Variants in PAGE2B observed in about 807,000 individuals in gnomAD.
The protein encoded by PAGE2B is putative G antigen family E member 3.
PAGE2B carries 5 observed loss-of-function variants against 7.6 expected under a neutral mutation model. The observed-to-expected ratio is 0.66, with a 90% CI of 0.34 to 1.38. The LOEUF is 1.38. PAGE2B is among the 40% of genes most tolerant of loss of function. PAGE2B has a pLI of 0.04. For missense variants in PAGE2B, 70 were observed against 78.4 expected (o/e 0.89, Z 0.41); for synonymous variants, 29 against 26.7 (o/e 1.09, Z -0.27).
chrX:55,055,439 A>G, the PAGE2B span: 1 of 111,027 alleles, frequency 9.0e-6, no homozygotes, highest in Non-Finnish European at 1.9e-5. Flanking sequence ...AATATGCAGC[A>G]TTGATTATGG....
upstream of PAGE2B, among the ~76,000 whole-genome samples, chrX:55,070,779 A>G (rs1936441345): frequency 8.9e-6 from 1 of 111,983 alleles, no homozygotes; most frequent in Non-Finnish European, 1.9e-5. Context: ...TCCCTTTACC[A>G]TTATGTAATG....
At chrX:55,075,327 A>G (rs113930027) in intron 1 of PAGE2B, among the ~76,000 whole-genome samples, 6,695 of 111,447 alleles carry the variant, frequency 0.06, 461 homozygotes, top group African/African-American at 0.2. Context: ...AAGGTGGGCC[A>G]CAGAGGGGAG....
chrX:55,052,577 C>T, the PAGE2B span, among the ~76,000 whole-genome samples: 292 of 112,648 alleles, frequency 2.6e-3, no homozygotes, highest in Middle Eastern at 9.1e-3. Context: ...TAGCAATGAG[C>T]GAGGCTCCTT....
the PAGE2B span, among the ~76,000 whole-genome samples, chrX:55,052,552 C>G: frequency 8.9e-6 from 1 of 112,502 alleles, no homozygotes; most frequent in Non-Finnish European, 1.9e-5. Flanking sequence ...GCAGTTTGAT[C>G]TCAGATTGCT....
At chrX:55,053,707 C>T in the PAGE2B span, among the ~76,000 whole-genome samples, 29 of 111,474 alleles carry the variant, frequency 2.6e-4, no homozygotes, top group African/African-American at 9.5e-4. Context: ...AATTATTACC[C>T]TGTCCCCTAT....
chrX:55,072,970 A>T (rs376674078), upstream of PAGE2B, among the ~76,000 whole-genome samples: 15 of 111,585 alleles, frequency 1.3e-4, no homozygotes, highest in East Asian at 4.0e-3. Flanking sequence ...TGGCAATGAG[A>T]ATTTCAAGCC....
the PAGE2B span, among the ~76,000 whole-genome samples, chrX:55,052,884 G>T: frequency 3.5e-5 from 4 of 112,705 alleles, no homozygotes; most frequent in African/African-American, 1.3e-4. Flanking sequence ...CTTCTGCGTC[G>T]CTCATGCTGG....
chrX:55,029,274 C>T, the PAGE2B span, among the ~76,000 whole-genome samples: 2 of 111,158 alleles, frequency 1.8e-5, no homozygotes, highest in African/African-American at 6.5e-5. Context: ...TCTGGGCTTC[C>T]GTTTCTCCAC....
At chrX:55,071,579 A>T (rs1936449579), upstream of PAGE2B, among the ~76,000 whole-genome samples, 1 of 111,113 alleles carries the variant, frequency 9.0e-6, no homozygotes, top group Non-Finnish European at 1.9e-5. Context: ...GTATTTCCTG[A>T]ATTTGAATGT....
upstream of PAGE2B, among the ~76,000 whole-genome samples, chrX:55,074,882 G>C (rs1936486494): frequency 8.9e-6 from 1 of 112,416 alleles, no homozygotes; most frequent in Non-Finnish European, 1.9e-5. Context: ...GGTGGTTTAG[G>C]TTCTCCACAG....
upstream of PAGE2B, among the ~76,000 whole-genome samples, chrX:55,072,784 G>A (rs1329062548): frequency 5.3e-5 from 6 of 112,211 alleles, no homozygotes; most frequent in Non-Finnish European, 1.1e-4. Flanking sequence ...GAGGAATCTA[G>A]AGAAGCAATC....
chrX:55,068,104 TG>T, the PAGE2B span, among the ~76,000 whole-genome samples: 1 of 112,508 alleles, frequency 8.9e-6, no homozygotes, highest in African/African-American at 3.2e-5. Context: ...CCATTGCTTT[TG>T]ATGTTTTAGT....
chrX:55,072,986 T>C (rs1936464809), upstream of PAGE2B, among the ~76,000 whole-genome samples: 1 of 111,656 alleles, frequency 9.0e-6, no homozygotes, highest in African/African-American at 3.3e-5. Flanking sequence ...AAGCCAGTGC[T>C]TCTTAGCTTG....
chrX:55,066,395 A>T, the PAGE2B span, among the ~76,000 whole-genome samples: 2 of 112,144 alleles, frequency 1.8e-5, no homozygotes, highest in African/African-American at 6.5e-5. Context: ...CCAGCCTCAG[A>T]TGATTTCTTA....
the PAGE2B span, among the ~76,000 whole-genome samples, chrX:55,047,466 A>G: frequency 1.8e-5 from 2 of 111,279 alleles, no homozygotes; most frequent in Non-Finnish European, 3.8e-5. Flanking sequence ...TGGTATTTCT[A>G]GTTCTAGATC....
At chrX:55,029,926 C>G in the PAGE2B span, among the ~76,000 whole-genome samples, 1 of 110,155 alleles carries the variant, frequency 9.1e-6, no homozygotes, top group African/African-American at 3.3e-5. Flanking sequence ...AGCCAGAAAA[C>G]ACTCATTGCA....
At chrX:55,047,760 G>C in the PAGE2B span, among the ~76,000 whole-genome samples, 1 of 111,438 alleles carries the variant, frequency 9.0e-6, no homozygotes, top group South Asian at 3.7e-4. Context: ...CTTTTTGATG[G>C]GGTTGTTTGT....
At chrX:55,067,463 T>C in the PAGE2B span, among the ~76,000 whole-genome samples, 1 of 111,887 alleles carries the variant, frequency 8.9e-6, no homozygotes, top group African/African-American at 3.3e-5. Flanking sequence ...CTGATGGGAA[T>C]TTGGGCTAGT....
chrX:55,056,949 C>T, the PAGE2B span, among the ~76,000 whole-genome samples: 3 of 111,707 alleles, frequency 2.7e-5, no homozygotes, highest in Non-Finnish European at 5.6e-5. Flanking sequence ...TTCTCAGTCT[C>T]TGGATCTCTT....
Sources: gnomAD v4.1 joint callset for allele counts (sites outside exome capture counted in the v4.1 genomes callset) on GRCh38, gnomAD v4.1.1 for gene constraint, MANE v1.5 for transcripts, NCBI Gene and HGNC (gene_info 2026-07-23, HGNC 2026-07-21) for gene names.